The following MBTPS1 variants were observed in gnomAD, a reference collection of about 807,000 sequenced individuals.
MBTPS1 encodes membrane bound transcription factor peptidase, site 1, also known as membrane-bound transcription factor site-1 protease.
A neutral mutation model predicts 127.8 loss-of-function variants in MBTPS1; 94 were observed. That is an observed-to-expected ratio of 0.74 (90% CI 0.62 to 0.87). The LOEUF (loss-of-function observed/expected upper bound fraction) is 0.87. Ranked by LOEUF, MBTPS1 falls within the 40% of genes least tolerant of loss-of-function variation. The probability of loss-of-function intolerance (pLI) is 0.00; values close to 1 mark genes in which losing one functional copy is unlikely to be tolerated. For synonymous variants in MBTPS1, 632 were observed against 509.4 expected (o/e 1.24, Z -3.24); for missense variants, 1,636 against 1,353.2 (o/e 1.21, Z -3.28).
rs201233799 is a variant in MBTPS1 at position 84,074,676 on chromosome 16, A to C, written c.1514T>G (p.Ile505Ser). 78 of 1,614,122 alleles carry C rather than the reference A, an allele frequency of 4.8e-5. No individual in the cohort carries two copies. Among genetic ancestry groups the C allele is most frequent in the Non-Finnish European group, 6.4e-5 (75 of 1,179,990 alleles). ...AACTGTCGGCATTCCTCCATAGTAG[A>C]TGGGCTGGGAGCAGTAGGGCCACAT... Reference protein sequence around the residue: ...PYMWPYCSQPIYYGGMPTVVN... With the variant: ...PYMWPYCSQPSYYGGMPTVVN... The change falls in exon 12 of 23, where the codon ATC becomes AGC. Residue 505 changes from isoleucine (I) to serine (S), a missense_variant. Coordinates refer to ENST00000343411, the MANE Select transcript of MBTPS1 (RefSeq NM_003791.4).
chr16:84,102,266 G>C (rs569020818), intron 1 of MBTPS1, among the ~76,000 whole-genome samples, 159 bp from the exon 2 acceptor site: 1 of 152,258 alleles, frequency 6.6e-6, no homozygotes, highest in East Asian at 1.9e-4. Context: ...AAGATCACTT[G>C]AGCCCAGGAG....
intron 8 of MBTPS1, among the ~76,000 whole-genome samples, chr16:84,088,629 G>C (rs1353700082): frequency 1.3e-5 from 2 of 152,178 alleles, no homozygotes; most frequent in African/African-American, 4.8e-5. Flanking sequence ...TATTGAAAAG[G>C]AGGGACGTGA....
chr16:84,082,109 C>T lies in MBTPS1; in HGVS notation c.1287-201G>A, dbSNP rs116115327. ...CAATCCAGGACTGACCACTCCGCAA[C>T]CTTCTACGGGACCCACTTATGCTAA... On this transcript the variant is annotated intron_variant, in intron 10 of 22. Transcript: ENST00000343411. 4.3e-3 allele frequency: 1,661 copies of T among 387,752 alleles called. 27 individuals are homozygous for T. The highest frequency in any genetic ancestry group is 0.031 in the African/African-American group (1,500 of 48,552). The allele number at this position is 387,752 out of a possible 1,614,324, so 24.0% of individuals were successfully genotyped here.
rs770721658 is a variant in MBTPS1 at position 84,091,792 on chromosome 16, G to A, written c.903C>T (p.Ile301=). 16 of 1,614,004 alleles carry A rather than the reference G, an allele frequency of 9.9e-6. No homozygotes were observed. The highest frequency in any genetic ancestry group is 3.3e-5 in the Admixed American group (2 of 59,998). ...CGCCGATGCTGAGGTTTAACACGTCGATCTTCTTTAAAATGGCATAGTTGA... is the reference window on the plus strand; with the variant it reads ...CGCCGATGCTGAGGTTTAACACGTCAATCTTCTTTAAAATGGCATAGTTGA... The part of the protein sequence containing the change: ...DAFNYAILKK[I]DVLNLSIGGP... The change falls in exon 7 of 23, where the codon ATC becomes ATT. Residue 301 remains isoleucine, a synonymous_variant. Coordinates refer to ENST00000343411, the MANE Select transcript of MBTPS1 (RefSeq NM_003791.4).
chr16:84,076,400 T>G (rs1323189841), intron 11 of MBTPS1, among the ~76,000 whole-genome samples: 1 of 152,112 alleles, frequency 6.6e-6, no homozygotes, highest in African/African-American at 2.4e-5. Flanking sequence ...GGATAGCCAC[T>G]CTCTCCCCTG....
chr16:84,109,582 A>G (rs1399070394), intron 1 of MBTPS1: 4 of 152,196 alleles, frequency 2.6e-5, no homozygotes, highest in Non-Finnish European at 4.4e-5. Flanking sequence ...AAGATGCACA[A>G]CCTGAAATCA....
At chr16:84,106,281 G>C (rs1485901445) in intron 1 of MBTPS1, among the ~76,000 whole-genome samples, 1 of 152,088 alleles carries the variant, frequency 6.6e-6, no homozygotes, top group East Asian at 1.9e-4. Context: ...GGCAACAAGA[G>C]CAAAACTCCA....
At chr16:84,092,508 G>C (rs577391697) in intron 6 of MBTPS1, among the ~76,000 whole-genome samples, 2 of 152,166 alleles carry the variant, frequency 1.3e-5, no homozygotes, top group Non-Finnish European at 2.9e-5. Context: ...AATTCTACGA[G>C]GAGGTATAAG....
chr16:84,070,040 T>TAA lies in MBTPS1; in HGVS notation c.1783-4_1783-3dup. 1 of 1,532,770 alleles carries TAA rather than the reference T, an allele frequency of 6.5e-7. No individual in the cohort carries two copies. Among genetic ancestry groups the TAA allele is most frequent in the Admixed American group, 2.3e-5 (1 of 42,940 alleles). The allele number at this position is 1,532,770 out of a possible 1,614,324, so 94.9% of individuals were successfully genotyped here. On this transcript the variant is annotated splice_region_variant and splice_polypyrimidine_tract_variant and intron_variant, in intron 13 of 22. Transcript: ENST00000343411. ...AGTCTGTTCTGCACCATTTTTTGAC[T>TAA]AAAAAAAAAGAAAAGAAACTTGAAA...
At chr16:84,065,220 C>T (rs1001619993) in intron 18 of MBTPS1, among the ~76,000 whole-genome samples, 4 of 151,292 alleles carry the variant, frequency 2.6e-5, no homozygotes, top group Non-Finnish European at 4.4e-5. Context: ...CAGGTTCAAG[C>T]GATTCTCCTG....
chr16:84,059,874 C>G (rs967889791), intron 20 of MBTPS1: 2 of 153,930 alleles, frequency 1.3e-5, no homozygotes, highest in Non-Finnish European at 2.9e-5. Flanking sequence ...ATTGTGCCAA[C>G]CACACGTAGC....
intron 8 of MBTPS1, among the ~76,000 whole-genome samples, chr16:84,088,476 C>G (rs1185398890): frequency 3.9e-5 from 6 of 152,174 alleles, no homozygotes; most frequent in African/African-American, 1.4e-4. Context: ...GAGGCTGGTA[C>G]AGAAGTCACT....
At chr16:84,068,221 C>T in intron 15 of MBTPS1, 118 bp downstream of exon 15, 1 of 737,520 alleles carries the variant, frequency 1.4e-6, no homozygotes, top group South Asian at 1.6e-5. Flanking sequence ...GCTGTGGGGC[C>T]CACGGCGCAT....
Position 84,056,153 on chromosome 16 carries a change from A to G in MBTPS1, c.2832-18T>C, listed in dbSNP as rs1398652535. ...AAAGGTTACTTCAGGAAAATGGATT[A>G]AAACAAAACAAAAATAAGCCATTGT... On this transcript the variant is annotated intron_variant, in intron 21 of 22. Coordinates refer to ENST00000343411, the MANE Select transcript of MBTPS1 (RefSeq NM_003791.4). 2 of 1,610,122 alleles carry G rather than the reference A, an allele frequency of 1.2e-6. No individual in the cohort carries two copies. The highest frequency in any genetic ancestry group is 2.2e-5 in the East Asian group (1 of 44,810).
intron 3 of MBTPS1, among the ~76,000 whole-genome samples, chr16:84,096,496 T>TA (rs1359639152): frequency 4.6e-5 from 7 of 152,218 alleles, no homozygotes; most frequent in African/African-American, 1.7e-4. Context: ...TCTTTATTTT[T>TA]AAAAAGCGGA....
intron 14 of MBTPS1, 39 bp downstream of exon 14, chr16:84,069,827 G>A (rs367884945): frequency 3.8e-6 from 6 of 1,564,566 alleles, no homozygotes; most frequent in Non-Finnish European, 5.2e-6. Context: ...TCCCACCACG[G>A]AGGCTGGGGA....
At chr16:84,055,281 A>G (rs978513255) in intron 22 of MBTPS1, among the ~76,000 whole-genome samples, 5 of 152,200 alleles carry the variant, frequency 3.3e-5, no homozygotes, top group Admixed American at 6.6e-5. Flanking sequence ...CGTGGTGTCC[A>G]GGGCTGGACT....
chr16:84,093,885 A>G, intron 4 of MBTPS1, 64 bp from the exon 5 acceptor site: 1 of 1,155,916 alleles, frequency 8.7e-7, no homozygotes, highest in Non-Finnish European at 1.3e-6. Context: ...GATTTTGCCT[A>G]TAAAATACAT....
chr16:84,114,819 ACTCTGTC>A (rs879292903), intron 1 of MBTPS1, among the ~76,000 whole-genome samples: 5,302 of 150,224 alleles, frequency 0.035, 149 homozygotes, highest in Middle Eastern at 0.076. Context: ...ACAGAGCGAG[ACTCTGTC>A]TCAAAAAAAT....
Sources: allele counts gnomAD v4.1 joint callset (sites outside exome capture counted in the v4.1 genomes callset), GRCh38; gene constraint gnomAD v4.1.1; transcripts MANE v1.5; gene names NCBI Gene and HGNC (gene_info 2026-07-23, HGNC 2026-07-21).